The following ZNF831 variants were observed in gnomAD, a reference collection of about 807,000 sequenced individuals.
ZNF831 encodes the protein chromosome 20 open reading frame 174.
ZNF831 carries 59 observed loss-of-function variants against 95.8 expected under a neutral mutation model. The observed-to-expected ratio is 0.62, with a 90% CI of 0.50 to 0.77. The LOEUF (loss-of-function observed/expected upper bound fraction) is 0.77, where lower values mean the gene tolerates loss of function less well. Among genes scored for constraint, ZNF831 ranks in the 30% least tolerant of loss-of-function variants. The pLI is 0.00. For synonymous variants in ZNF831, 961 were observed against 925.5 expected (o/e 1.04, Z -0.70); for missense variants, 2,205 against 2,164.0 (o/e 1.02, Z -0.38).
At chr20:59,162,920 A>G (rs1980962395), upstream of ZNF831, among the ~76,000 whole-genome samples, 2 of 152,172 alleles carry the variant, frequency 1.3e-5, no homozygotes, top group Middle Eastern at 3.4e-3. Context: ...ATCCATGAGC[A>G]TGGAGTGTTT....
intron 4 of ZNF831, among the ~76,000 whole-genome samples, chr20:59,233,197 G>C (rs1031180575): frequency 6.6e-6 from 1 of 152,148 alleles, no homozygotes; most frequent in African/African-American, 2.4e-5. Context: ...TCTGCATGAA[G>C]TTGAGAGTCA....
chr20:59,214,835 A>T (rs542530590), intron 4 of ZNF831, among the ~76,000 whole-genome samples: 21 of 152,322 alleles, frequency 1.4e-4, no homozygotes, highest in Admixed American at 1.1e-3. Flanking sequence ...GGATGAAGGC[A>T]ACGTCATTGA....
In ZNF831 at chr20:59,210,896, G is replaced by A. The variant is rs200004325; in HGVS notation, c.4027+3840G>A. Among the ~76,000 whole-genome samples the A allele has an allele frequency of 1.2e-3, 95 of 79,518 alleles. 28 individuals are homozygous for A. The East Asian group carries it at 0.039, about 33-fold the overall frequency. 52.2% of individuals were successfully genotyped at this position (79,518 alleles called of 152,430 possible). A position where few individuals can be genotyped will look rare whatever the true frequency, so the allele number is the denominator to read the frequency against. On this transcript the variant is annotated intron_variant, in intron 4 of 5. Coordinates refer to ENST00000371030, the MANE Select transcript of ZNF831 (RefSeq NM_178457.3). The stretch of plus-strand genomic sequence containing the variant: ...AAAATACAAAAAATTAGCCGGGCGC[G>A]GTGGCGGGCGCCTGTAGTCCCAGCT...
chr20:59,237,116 C>G (rs1046376244), intron 4 of ZNF831, among the ~76,000 whole-genome samples: 1 of 152,162 alleles, frequency 6.6e-6, no homozygotes, highest in African/African-American at 2.4e-5. Context: ...CCAGAAAGAA[C>G]CTTCATAATA....
In ZNF831 at chr20:59,169,408, T is replaced by A. The variant is rs149840437; in HGVS notation, c.-37+5201T>A. On this transcript the variant is annotated intron_variant, in intron 1 of 5. Transcript: ENST00000371030. The surrounding 1 kb of genome is among the most constrained non-coding windows in gnomAD (Gnocchi z 4.1). ...GTCTGTAGTGATAGCCCATTTTCCT[T>A]CCTGACATTGATAGTTTGTGTCTTC... Among the ~76,000 whole-genome samples the A allele has an allele frequency of 2.0e-5, 3 of 152,308 alleles. No homozygotes were observed. The highest frequency in any genetic ancestry group is 4.8e-5 in the African/African-American group (2 of 41,568).
intron 4 of ZNF831, among the ~76,000 whole-genome samples, chr20:59,235,039 C>T (rs1424483408): frequency 6.6e-6 from 1 of 152,114 alleles, no homozygotes; most frequent in Non-Finnish European, 1.5e-5. Context: ...TCCTAAGGCT[C>T]CTCTCAGCCC....
intron 4 of ZNF831, among the ~76,000 whole-genome samples, chr20:59,237,810 A>G (rs1987085796): frequency 6.6e-6 from 1 of 152,180 alleles, no homozygotes; most frequent in African/African-American, 2.4e-5. Context: ...GTAGTGCTGT[A>G]GTGCCTGGAG....
intron 1 of ZNF831, among the ~76,000 whole-genome samples, chr20:59,189,900 G>T (rs990269355): frequency 2.0e-5 from 3 of 152,332 alleles, no homozygotes; most frequent in East Asian, 3.9e-4. Flanking sequence ...AGCTGGGGAT[G>T]GGTGAAATGT....
At chr20:59,180,658 A>G (rs1033002055) in intron 1 of ZNF831, among the ~76,000 whole-genome samples, 1 of 152,144 alleles carries the variant, frequency 6.6e-6, no homozygotes, top group Non-Finnish European at 1.5e-5. Context: ...GTTTGCTGAG[A>G]ATGATGGCTT....
In ZNF831 at chr20:59,191,147, C is replaced by T. The variant is rs1280223730; in HGVS notation, c.128C>T (p.Pro43Leu). The change falls in exon 2 of 6, where the codon CCG becomes CTG. Residue 43 changes from proline to leucine, a missense_variant. Physicochemically the swap from Pro to Leu is moderately conservative, Grantham distance 98. Coordinates refer to ENST00000371030, the MANE Select transcript of ZNF831 (RefSeq NM_178457.3). ...PHLTLGPVLLPPEQGLAPPTV... is the reference protein window; with the variant it reads ...PHLTLGPVLLLPEQGLAPPTV... ...CTGACCCTGGGCCCTGTCCTTCTGC[C>T]GCCAGAGCAGGGCCTGGCCCCCCCC... is the stretch of plus-strand genomic sequence containing the variant. 3 of 1,601,154 alleles carry T rather than the reference C, an allele frequency of 1.9e-6. No individual in the cohort carries two copies. The highest frequency in any genetic ancestry group is 2.2e-5 in the South Asian group (2 of 90,530).
chr20:59,202,417 T>C (rs973390230), intron 3 of ZNF831, among the ~76,000 whole-genome samples: 1 of 151,944 alleles, frequency 6.6e-6, no homozygotes. Flanking sequence ...CTCTGTTTTA[T>C]ATATTTGCTC....
chr20:59,254,771 C>G lies in ZNF831; in HGVS notation c.*28C>G, dbSNP rs1204671527. 3.4e-6 allele frequency: 5 copies of G among 1,480,366 alleles called. No homozygotes were observed. In the South Asian group the frequency reaches 6.6e-5, roughly 20 times the overall value. The allele number at this position is 1,480,366 out of a possible 1,614,324, so 91.7% of individuals were successfully genotyped here. ...CTTCCAGAGAAACATGGTGTCTGGT[C>G]AAAAAGACTGTTGACGCTTCACAAG... On this transcript the variant is annotated 3_prime_UTR_variant, in exon 6 of 6. Transcript: ENST00000371030. This position sits in a 1 kb window ranked among gnomAD's most constrained non-coding sequence, Gnocchi z 4.5.
intron 4 of ZNF831, among the ~76,000 whole-genome samples, chr20:59,237,147 C>T (rs1412191247): frequency 3.3e-5 from 5 of 152,178 alleles, no homozygotes; most frequent in African/African-American, 9.7e-5. Context: ...CCTAATAAGC[C>T]TTTCCTAGTT....
rs762928359 is a variant in ZNF831 at position 59,192,259 on chromosome 20, C to A, written c.1240C>A (p.His414Asn). 2 of 1,592,964 alleles carry A rather than the reference C, an allele frequency of 1.3e-6. No individual in the cohort carries two copies. The highest frequency in any genetic ancestry group is 2.3e-5 in the South Asian group (2 of 88,276). Residue 414 changes from histidine (H) to asparagine (N), a missense_variant, in exon 2 of 6, where the codon CAC (histidine) becomes AAC (asparagine). By Grantham distance (68) the His-to-Asn change is moderately conservative. Transcript: ENST00000371030. This position sits in a 1 kb window ranked among gnomAD's most constrained non-coding sequence, Gnocchi z 5.2. ...LEERIAQLIS[H>N]NQAVVDDAQL... ...GGAGCGCATCGCCCAGCTCATCTCCCACAACCAGGCGGTGGTGGACGATGC... is the reference window on the plus strand; with the variant it reads ...GGAGCGCATCGCCCAGCTCATCTCCAACAACCAGGCGGTGGTGGACGATGC...
intron 4 of ZNF831, among the ~76,000 whole-genome samples, chr20:59,212,502 C>T (rs1179624805): frequency 1.3e-5 from 2 of 152,138 alleles, no homozygotes; most frequent in African/African-American, 2.4e-5. Context: ...GTGTATTTCC[C>T]AGGCACCCCA....
chr20:59,194,101 G>A lies in ZNF831; in HGVS notation c.3082G>A (p.Asp1028Asn), dbSNP rs1399174019. The A allele has an allele frequency of 1.3e-6, 2 of 1,550,036 alleles. No individual in the cohort carries two copies. The highest frequency in any genetic ancestry group is 1.9e-5 in the Admixed American group (1 of 53,230). Residue 1028 changes from aspartate (D) to asparagine (N), a missense_variant, in exon 2 of 6, where the codon GAC becomes AAC. Physicochemically the swap from Asp to Asn is conservative, Grantham distance 23 (BLOSUM62 1). Transcript: ENST00000371030. ...KGAQLGGDKG[D>N]RMATSRPAAR... is the part of the protein sequence containing the mutation. ...GGCACAGTTGGGGGGGGACAAGGGG[G>A]ACAGGATGGCCACTAGCAGGCCAGC...
Position 59,194,015 on chromosome 20 carries a change from G to A in ZNF831, c.2996G>A (p.Gly999Asp), listed in dbSNP as rs201334296. The change falls in exon 2 of 6, where the codon GGT becomes GAT. Residue 999 changes from glycine to aspartate, a missense_variant. Gly to Asp is a moderately conservative substitution (Grantham distance 94, BLOSUM62 -1). Coordinates refer to ENST00000371030, the MANE Select transcript of ZNF831 (RefSeq NM_178457.3). ...AGCCCAGCCTCAGGCCCCTCCCCAG[G>A]TGAGGCGGACAGCATCCTGGAGGAC... ...SPSPASGPSP[G>D]EADSILEDPS... is the part of the protein sequence containing the mutation. 7 of 1,529,074 alleles carry A rather than the reference G, an allele frequency of 4.6e-6. No homozygotes were observed. The highest frequency in any genetic ancestry group is 6.1e-6 in the Non-Finnish European group (7 of 1,140,274). The allele number at this position is 1,529,074 out of a possible 1,614,324, so 94.7% of individuals were successfully genotyped here.
chr20:59,210,998 AGT>A, intron 4 of ZNF831, among the ~76,000 whole-genome samples: 1 of 77,228 alleles, frequency 1.3e-5, no homozygotes, highest in African/African-American at 7.4e-5. Context: ...GCGCCACTGC[AGT>A]CCGCAGTCCG....
At position 59,192,161 on chromosome 20, in the gene ZNF831, C is replaced by G; in HGVS notation, c.1142C>G (p.Pro381Arg). 6.4e-7 allele frequency: 1 copy of G among 1,559,232 alleles called. No individual in the cohort carries two copies. The highest frequency in any genetic ancestry group is 8.6e-7 in the Non-Finnish European group (1 of 1,158,718). The change falls in exon 2 of 6, where the codon CCG becomes CGG. Residue 381 changes from proline (P) to arginine (R), a missense_variant. Physicochemically the swap from Pro to Arg is moderately radical, Grantham distance 103 (BLOSUM62 -2). Coordinates refer to ENST00000371030, the MANE Select transcript of ZNF831 (RefSeq NM_178457.3). This position sits in a 1 kb window ranked among gnomAD's most constrained non-coding sequence, Gnocchi z 5.2. The stretch of plus-strand genomic sequence containing the variant: ...TCCGAGGGGGAGGGCGGCCCGGGCC[C>G]GGGGCCAGGGGTCGCAGGGGCCGAG... ...AESEGEGGPG[P>R]GPGVAGAEPG...
Sources: gnomAD v4.1 joint callset for allele counts (sites outside exome capture counted in the v4.1 genomes callset) on GRCh38, gnomAD v4.1.1 for gene constraint, Gnocchi (gnomAD v3.1) non-coding constraint, MANE v1.5 for transcripts, NCBI Gene and HGNC (gene_info 2026-07-23, HGNC 2026-07-21) for gene names.